Variants in ATP2B1 observed in about 807,000 individuals in gnomAD.
ATP2B1 encodes plasma membrane calcium-transporting ATPase 1.
Under a neutral mutation model 124.2 loss-of-function variants are expected in ATP2B1, and 14 were observed. The observed-to-expected ratio is 0.11, with a 90% confidence interval of 0.07 to 0.18. The LOEUF (loss-of-function observed/expected upper bound fraction) is 0.18, where lower values mean the gene tolerates loss of function less well. Ranked by LOEUF, ATP2B1 falls within the 10% of genes least tolerant of loss-of-function variation. The pLI, the probability that ATP2B1 is intolerant of heterozygous loss-of-function variation, is 1.00. For missense variants in ATP2B1, 763 were observed against 1,466.1 expected, an observed-to-expected ratio of 0.52 and a Z score of 7.83; for synonymous variants, 449 against 492.4, an observed-to-expected ratio of 0.91 and a Z score of 1.17.
chr12:89,638,856 C>T (rs1302622657), intron 3 of ATP2B1, among the ~76,000 whole-genome samples: 1 of 152,038 alleles, frequency 6.6e-6, no homozygotes, highest in Non-Finnish European at 1.5e-5. Context: ...GGTGAGAACA[C>T]ATTAATATTC....
chr12:89,632,355 T>A (rs1179237767), intron 5 of ATP2B1, among the ~76,000 whole-genome samples: 1 of 152,198 alleles, frequency 6.6e-6, no homozygotes, highest in African/African-American at 2.4e-5. Context: ...TCCAATATTG[T>A]TTTTTAGGCC....
chr12:89,598,485 T>A, intron 20 of ATP2B1: 1 of 1,327,922 alleles, frequency 7.5e-7, no homozygotes, highest in Admixed American at 2.4e-5. Context: ...GAAAGCTTTA[T>A]GAAAAAGCCT....
At chr12:89,645,407 G>T (rs1884288532) in intron 2 of ATP2B1, among the ~76,000 whole-genome samples, 1 of 152,132 alleles carries the variant, frequency 6.6e-6, no homozygotes, top group African/African-American at 2.4e-5. Flanking sequence ...ACATGCTGAG[G>T]AGTCAGTGTG....
chr12:89,628,254 T>A (rs1254046198), intron 6 of ATP2B1, among the ~76,000 whole-genome samples: 2 of 151,954 alleles, frequency 1.3e-5, no homozygotes, highest in African/African-American at 2.4e-5. Flanking sequence ...AATAAAAAAT[T>A]AGCCGGGTGT....
Position 89,630,851 on chromosome 12 carries a change from G to A in ATP2B1, c.788-206C>T, listed in dbSNP as rs187511251. On this transcript the variant is annotated intron_variant, in intron 5 of 20. Transcript: ENST00000428670. ...GCTGGAGTGCAATGGTGTGAACATG[G>A]CTTACTACAGCCTGGATCTCCTGGG... is the stretch of plus-strand genomic sequence containing the variant. 5.7e-4 allele frequency: 108 copies of A among 189,112 alleles called. 1 individual carries two copies. Among genetic ancestry groups the A allele is most frequent in the Non-Finnish European group, 1.8e-4 (17 of 95,616 alleles). 11.7% of individuals were successfully genotyped at this position (189,112 alleles called of 1,614,324 possible).
At position 89,590,849 on chromosome 12, in the gene ATP2B1, C is replaced by A; in HGVS notation, c.*135G>T. On this transcript the variant is annotated 3_prime_UTR_variant, in exon 21 of 21. Coordinates refer to ENST00000428670, the MANE Select transcript of ATP2B1 (RefSeq NM_001366521.1). Reference sequence around the variant, plus strand: ...CTTTTTTTTTTTTAAAAAAATAAATCTACATTCGTACAAGTGTGTCTTCTG... The same window carrying A: ...CTTTTTTTTTTTTAAAAAAATAAATATACATTCGTACAAGTGTGTCTTCTG... 10 of 882,560 alleles carry A rather than the reference C, an allele frequency of 1.1e-5. No individual in the cohort carries two copies. Among genetic ancestry groups the A allele is most frequent in the Non-Finnish European group, 1.5e-5 (9 of 598,130 alleles). The allele number at this position is 882,560 out of a possible 1,614,324, so 54.7% of individuals were successfully genotyped here. A position where few individuals can be genotyped will look rare whatever the true frequency, so the allele number is the denominator to read the frequency against.
chr12:89,653,358 G>A (rs948469468), intron 2 of ATP2B1, among the ~76,000 whole-genome samples: 8 of 130,632 alleles, frequency 6.1e-5, no homozygotes, highest in Admixed American at 9.4e-5. Flanking sequence ...CTGCAGTGGC[G>A]CAATCTCGGC....
At chr12:89,683,709 A>G (rs1398865647) in intron 1 of ATP2B1, among the ~76,000 whole-genome samples, 1 of 152,234 alleles carries the variant, frequency 6.6e-6, no homozygotes, top group African/African-American at 2.4e-5. Context: ...ATCCAGGAGC[A>G]TAATAAAACA....
intron 2 of ATP2B1, among the ~76,000 whole-genome samples, chr12:89,648,774 C>G (rs1397426071): frequency 6.6e-6 from 1 of 152,224 alleles, no homozygotes; most frequent in Non-Finnish European, 1.5e-5. Flanking sequence ...ATCACAGGCC[C>G]AGCAGCCTAG....
intron 2 of ATP2B1, among the ~76,000 whole-genome samples, chr12:89,650,566 T>G (rs2136313050): frequency 6.6e-6 from 1 of 152,300 alleles, no homozygotes; most frequent in African/African-American, 2.4e-5. Context: ...GGACCTAATT[T>G]CAGCAACCAC....
At chr12:89,651,130 T>C (rs960137285) in intron 2 of ATP2B1, among the ~76,000 whole-genome samples, 2 of 152,222 alleles carry the variant, frequency 1.3e-5, no homozygotes, top group Non-Finnish European at 2.9e-5. Flanking sequence ...CACTGGGAAG[T>C]TTTTAATATG....
intron 15 of ATP2B1, 77 bp downstream of exon 15, chr12:89,609,860 T>C (rs1877660214): frequency 3.1e-6 from 4 of 1,305,524 alleles, no homozygotes; most frequent in Non-Finnish European, 4.4e-6. Context: ...CATAGTAATT[T>C]AGTCAACAAA....
At chr12:89,701,845 G>GC (rs1389351155) in intron 1 of ATP2B1, among the ~76,000 whole-genome samples, 1 of 152,004 alleles carries the variant, frequency 6.6e-6, no homozygotes, top group African/African-American at 2.4e-5. Flanking sequence ...ACAGCATCTG[G>GC]CCCCTAAGGG....
intron 1 of ATP2B1, among the ~76,000 whole-genome samples, chr12:89,691,410 C>T (rs867352156): frequency 2.0e-5 from 3 of 152,116 alleles, no homozygotes; most frequent in Non-Finnish European, 4.4e-5. Context: ...TCAAACTCTT[C>T]TCCATGTCAA....
At position 89,681,618 on chromosome 12, in the gene ATP2B1, A is replaced by C. The variant is rs376254923; in HGVS notation, c.-221-25511T>G. On this transcript the variant is annotated intron_variant, in intron 1 of 20. Coordinates refer to ENST00000428670, the MANE Select transcript of ATP2B1 (RefSeq NM_001366521.1). ...TAAAGAGAAAATTTAGACCAACATTACTTACAAAAATTGATGCTAATATTT... is the reference window on the plus strand; with the variant it reads ...TAAAGAGAAAATTTAGACCAACATTCCTTACAAAAATTGATGCTAATATTT... 4.6e-5 allele frequency among the ~76,000 whole-genome samples: 7 copies of C among 152,302 alleles called. No individual in the cohort carries two copies. In the East Asian group the frequency reaches 1.2e-3, roughly 25 times the overall value.
intron 1 of ATP2B1, among the ~76,000 whole-genome samples, chr12:89,701,446 A>G (rs1891846241): frequency 6.6e-6 from 1 of 152,190 alleles, no homozygotes; most frequent in African/African-American, 2.4e-5. Context: ...ATGTTCAGGT[A>G]CTATTTTTTT....
intron 6 of ATP2B1, 114 bp from the exon 7 acceptor site, chr12:89,627,830 T>C: frequency 2.6e-6 from 3 of 1,141,546 alleles, no homozygotes; most frequent in Non-Finnish European, 3.8e-6. Context: ...GGTGTGTGTG[T>C]CTACAGATTA....
intron 20 of ATP2B1, among the ~76,000 whole-genome samples, chr12:89,595,096 G>A (rs1015133083): frequency 2.6e-5 from 4 of 152,048 alleles, no homozygotes; most frequent in African/African-American, 7.2e-5. Flanking sequence ...CTTTTTCTGT[G>A]AAGTGCCAGA....
chr12:89,665,941 T>C (rs1260000552), intron 1 of ATP2B1, among the ~76,000 whole-genome samples: 1 of 152,218 alleles, frequency 6.6e-6, no homozygotes, highest in East Asian at 1.9e-4. Flanking sequence ...AGCTTTCTGT[T>C]TTCTTAATTA....
Sources: allele counts gnomAD v4.1 joint callset (sites outside exome capture counted in the v4.1 genomes callset), GRCh38; gene constraint gnomAD v4.1.1; transcripts MANE v1.5; gene names NCBI Gene and HGNC (gene_info 2026-07-23, HGNC 2026-07-21).